SDK2: variants seen among roughly 807,000 people sequenced by gnomAD.
SDK2 encodes the protein protein sidekick-2.
SDK2 carries 105 observed loss-of-function variants against 253.9 expected under a neutral mutation model. The observed-to-expected ratio is 0.41, with a 90% CI of 0.35 to 0.49. The LOEUF is 0.49. SDK2 is among the 20% of genes least tolerant of loss of function. The pLI, the probability that SDK2 is intolerant of heterozygous loss-of-function variation, is 0.06. For synonymous variants in SDK2, 1,249 were observed against 1,234.9 expected, an observed-to-expected ratio of 1.01 and a Z score of -0.24; for missense variants, 2,608 against 3,003.0, an observed-to-expected ratio of 0.87 and a Z score of 3.07.
At chr17:73,403,013 G>A (rs531775596) in intron 18 of SDK2, among the ~76,000 whole-genome samples, 1 of 151,684 alleles carries the variant, frequency 6.6e-6, no homozygotes, top group Non-Finnish European at 1.5e-5. Context: ...TGGCCAGGCT[G>A]GTCTCGAACT....
At chr17:73,342,414 C>T (rs1398683017) in intron 44 of SDK2, among the ~76,000 whole-genome samples, 2 of 152,196 alleles carry the variant, frequency 1.3e-5, no homozygotes, top group Admixed American at 6.5e-5. Context: ...CTCCATATGC[C>T]GAGCGGGGGC....
chr17:73,644,206 C>T lies in SDK2; in HGVS notation c.-118G>A, dbSNP rs547976613. The stretch of plus-strand genomic sequence containing the variant: ...CAGGAAACAGTCAGTCTACGCGGCT[C>T]CGTGCCCCGGGGTGTAATATGCCCG... On this transcript the variant is annotated 5_prime_UTR_variant, in exon 1 of 45. Coordinates refer to ENST00000392650, the MANE Select transcript of SDK2 (RefSeq NM_001144952.2). The surrounding 1 kb of genome is among the most constrained non-coding windows in gnomAD (Gnocchi z 6.3). 9.6e-5 allele frequency: 80 copies of T among 832,070 alleles called. No homozygotes were observed. In the African/African-American group the frequency reaches 1.2e-3, roughly 12 times the overall value. The allele number at this position is 832,070 out of a possible 1,614,324, so 51.5% of individuals were successfully genotyped here.
intron 36 of SDK2, among the ~76,000 whole-genome samples, chr17:73,373,733 T>C (rs1195243328): frequency 6.6e-6 from 1 of 152,324 alleles, no homozygotes; most frequent in African/African-American, 2.4e-5. Context: ...ATGGGTTCAC[T>C]GCAACCTCCA....
At chr17:73,627,969 A>C (rs898766422) in intron 1 of SDK2, among the ~76,000 whole-genome samples, 1 of 152,138 alleles carries the variant, frequency 6.6e-6, no homozygotes, top group Non-Finnish European at 1.5e-5. Flanking sequence ...GGAGAATGGC[A>C]TGAACCCGGG....
intron 1 of SDK2, among the ~76,000 whole-genome samples, chr17:73,576,102 G>A (rs923901908): frequency 6.6e-6 from 1 of 152,184 alleles, no homozygotes; most frequent in African/African-American, 2.4e-5. Context: ...CCAAATTCTC[G>A]AGGCAAAAGG....
rs1295434432 is a variant in SDK2 at position 73,625,091 on chromosome 17, A to G, written c.64+18934T>C. Among the ~76,000 whole-genome samples, 3 of 152,328 alleles carry G rather than the reference A, an allele frequency of 2.0e-5. No homozygotes were observed. The East Asian group carries it at 5.8e-4, about 29-fold the overall frequency. ...CCCATAACTCACAAGCAGCAGGGCC[A>G]GGATTCCAGCTGAGGTGTGCTCTGG... is the stretch of plus-strand genomic sequence containing the variant. On this transcript the variant is annotated intron_variant, in intron 1 of 44. Transcript: ENST00000392650.
intron 2 of SDK2, among the ~76,000 whole-genome samples, chr17:73,493,204 A>C (rs2063819334): frequency 6.7e-6 from 1 of 149,208 alleles, no homozygotes; most frequent in Non-Finnish European, 1.5e-5. Context: ...GATTCAGGCC[A>C]AATTCAAATA....
In SDK2 at chr17:73,637,663, C is replaced by T. The variant is rs115565601; in HGVS notation, c.64+6362G>A. 2.5e-3 allele frequency among the ~76,000 whole-genome samples: 385 copies of T among 152,360 alleles called. 3 individuals are homozygous for T. The highest frequency in any genetic ancestry group is 9.1e-3 in the African/African-American group (377 of 41,584). On this transcript the variant is annotated intron_variant, in intron 1 of 44. Transcript: ENST00000392650. ...GTGCTGGGATTACAGGCATGAGCCA[C>T]CGCGCCTGGAGGGGAATATAAGTGC...
chr17:73,468,678 AT>A (rs758188272), intron 3 of SDK2, among the ~76,000 whole-genome samples: 39 of 148,286 alleles, frequency 2.6e-4, no homozygotes, highest in Non-Finnish European at 3.6e-4. Context: ...CGCCTGGCTA[AT>A]TTTTTTTTTA....
chr17:73,402,282 G>T, intron 18 of SDK2, 141 bp from the exon 19 acceptor site: 1 of 844,696 alleles, frequency 1.2e-6, no homozygotes, highest in Non-Finnish European at 1.8e-6. Flanking sequence ...GAAGGGACAG[G>T]CAGTGCAGGG....
chr17:73,555,207 G>T (rs1013741948), intron 1 of SDK2, among the ~76,000 whole-genome samples: 1 of 152,242 alleles, frequency 6.6e-6, no homozygotes, highest in African/African-American at 2.4e-5. Flanking sequence ...ACCAGAGAGA[G>T]CAGGAGTAAC....
intron 1 of SDK2, among the ~76,000 whole-genome samples, chr17:73,580,417 C>T (rs1409889530): frequency 6.6e-6 from 1 of 152,272 alleles, no homozygotes; most frequent in Non-Finnish European, 1.5e-5. Flanking sequence ...CAGCTCTGTA[C>T]TGTACCCTGA....
At chr17:73,393,281 C>T (rs985111839) in intron 27 of SDK2, among the ~76,000 whole-genome samples, 9 of 133,908 alleles carry the variant, frequency 6.7e-5, no homozygotes, top group Admixed American at 7.5e-5. Context: ...TAAATTAAAA[C>T]GGGTGCAAGT....
intron 2 of SDK2, among the ~76,000 whole-genome samples, chr17:73,495,138 G>T (rs2063833105): frequency 6.6e-6 from 1 of 152,294 alleles, no homozygotes; most frequent in African/African-American, 2.4e-5. Context: ...ACCCCCAAGA[G>T]GGAGCGAGGG....
At chr17:73,446,152 T>C (rs181222190) in intron 5 of SDK2, among the ~76,000 whole-genome samples, 210 of 152,310 alleles carry the variant, frequency 1.4e-3, no homozygotes, top group African/African-American at 4.5e-3. Context: ...ACCACTCCTG[T>C]GTCTTTGACA....
At chr17:73,506,632 C>T (rs888760761) in intron 2 of SDK2, among the ~76,000 whole-genome samples, 1 of 152,222 alleles carries the variant, frequency 6.6e-6, no homozygotes, top group African/African-American at 2.4e-5. Flanking sequence ...CCAACAAAAC[C>T]GATTATGCAC....
rs1215048956 is a variant in SDK2 at position 73,431,637 on chromosome 17, G to C, written c.1345C>G (p.Leu449Val). The change falls in exon 11 of 45, where the codon CTG (leucine) becomes GTG (valine). Residue 449 changes from leucine to valine, a missense_variant. By Grantham distance (32) the Leu-to-Val change is conservative (BLOSUM62 1). Coordinates refer to ENST00000392650, the MANE Select transcript of SDK2 (RefSeq NM_001144952.2). The surrounding 1 kb of genome is among the most constrained non-coding windows in gnomAD (Gnocchi z 5.6). ...GACTCCAGGGGTGTGAAGCGAGGCA[G>C]CTGCACAGAGCCACTGGCCAAGATG... ...ERILASGSVQ[L>V]PRFTPLESGS... The C allele has an allele frequency of 6.2e-6, 10 of 1,611,848 alleles. No individual in the cohort carries two copies. Among genetic ancestry groups the C allele is most frequent in the Non-Finnish European group, 8.5e-6 (10 of 1,179,104 alleles).
intron 2 of SDK2, among the ~76,000 whole-genome samples, chr17:73,501,220 A>G (rs1326016139): frequency 7.3e-6 from 1 of 137,510 alleles, no homozygotes; most frequent in Non-Finnish European, 1.5e-5. Flanking sequence ...ATACACACAC[A>G]AACACATACA....
At chr17:73,384,124 G>C in intron 32 of SDK2, 113 bp from the exon 33 acceptor site, 1 of 1,222,562 alleles carries the variant, frequency 8.2e-7, no homozygotes, top group Non-Finnish European at 1.1e-6. Context: ...TTTTAACCAG[G>C]AAAAGAAATC....
Sources: gnomAD v4.1 joint callset for allele counts (sites outside exome capture counted in the v4.1 genomes callset) on GRCh38, gnomAD v4.1.1 for gene constraint, Gnocchi (gnomAD v3.1) non-coding constraint, MANE v1.5 for transcripts, NCBI Gene and HGNC (gene_info 2026-07-23, HGNC 2026-07-21) for gene names.